NEGR1: variants seen among roughly 807,000 people sequenced by gnomAD.
The protein encoded by NEGR1 is neuronal growth regulator 1.
Under a neutral mutation model 40.9 loss-of-function variants are expected in NEGR1, and 10 were observed. That is an observed-to-expected ratio of 0.24 (90% CI 0.15 to 0.42). The LOEUF is 0.42. NEGR1 is among the 10% of genes least tolerant of loss of function. The probability of loss-of-function intolerance (pLI) is 1.00; values close to 1 mark genes in which losing one functional copy is unlikely to be tolerated. For missense variants in NEGR1, 352 were observed against 438.9 expected (o/e 0.80, Z 1.77); for synonymous variants, 185 against 166.8 (o/e 1.11, Z -0.84).
chr1:71,851,677 T>C (rs1353981238), intron 2 of NEGR1, among the ~76,000 whole-genome samples: 1 of 152,088 alleles, frequency 6.6e-6, no homozygotes, highest in African/African-American at 2.4e-5. Context: ...TTACTTCTCA[T>C]GAAGAGGGGC....
chr1:71,695,854 A>G (rs1208279545), intron 4 of NEGR1, among the ~76,000 whole-genome samples: 1 of 151,786 alleles, frequency 6.6e-6, no homozygotes. Context: ...TTCCCTCTCT[A>G]TGGCAAAGGG....
intron 3 of NEGR1, among the ~76,000 whole-genome samples, chr1:71,714,300 A>T (rs1654203069): frequency 6.6e-6 from 1 of 152,132 alleles, no homozygotes; most frequent in African/African-American, 2.4e-5. Flanking sequence ...ACACCTGGGG[A>T]TTATTACAAT....
At chr1:72,264,437 T>C (rs867159321) in intron 1 of NEGR1, among the ~76,000 whole-genome samples, 2 of 151,076 alleles carry the variant, frequency 1.3e-5, no homozygotes, top group South Asian at 4.1e-4. Context: ...TAATAAATAT[T>C]TACAATTATA....
intron 2 of NEGR1, among the ~76,000 whole-genome samples, chr1:71,820,042 C>A (rs1249996719): frequency 6.6e-6 from 1 of 151,974 alleles, no homozygotes; most frequent in Non-Finnish European, 1.5e-5. Flanking sequence ...ATATTAGGAA[C>A]AAAGGGGCAA....
At chr1:71,705,143 G>T (rs896538862) in intron 3 of NEGR1, among the ~76,000 whole-genome samples, 1 of 152,006 alleles carries the variant, frequency 6.6e-6, no homozygotes, top group East Asian at 1.9e-4. Flanking sequence ...AATAACATCT[G>T]ACCTCATGCT....
At chr1:72,199,146 C>CAGAGAGAGAG (rs1339899074) in intron 1 of NEGR1, among the ~76,000 whole-genome samples, 1,760 of 138,992 alleles carry the variant, frequency 0.013, 40 homozygotes, top group African/African-American at 0.046. Flanking sequence ...TCTAGATAGA[C>CAGAGAGAGAG]AGACAGAGAG....
chr1:71,635,414 T>G (rs1253340955), intron 4 of NEGR1, among the ~76,000 whole-genome samples: 1 of 152,054 alleles, frequency 6.6e-6, no homozygotes, highest in Non-Finnish European at 1.5e-5. Flanking sequence ...CAGGACATAT[T>G]GCAGCAATTG....
intron 1 of NEGR1, among the ~76,000 whole-genome samples, chr1:72,178,179 C>A (rs1341114802): frequency 6.6e-6 from 1 of 151,846 alleles, no homozygotes; most frequent in Non-Finnish European, 1.5e-5. Context: ...CTCAAAGGAA[C>A]AATCTGTCAT....
At chr1:71,683,427 T>G (rs1652906822) in intron 4 of NEGR1, among the ~76,000 whole-genome samples, 1 of 141,562 alleles carries the variant, frequency 7.1e-6, no homozygotes, top group South Asian at 2.1e-4. Flanking sequence ...TTCAATTAAT[T>G]TTACAGCTCA....
chr1:71,590,251 A>C (rs1649454989), intron 6 of NEGR1, among the ~76,000 whole-genome samples: 1 of 152,140 alleles, frequency 6.6e-6, no homozygotes, highest in South Asian at 2.1e-4. Context: ...CTGCCCCAGA[A>C]AGTGAGATAG....
chr1:71,527,119 T>G (rs2101438473), intron 6 of NEGR1, among the ~76,000 whole-genome samples: 1 of 151,692 alleles, frequency 6.6e-6, no homozygotes, highest in South Asian at 2.1e-4. Flanking sequence ...TAGCACATAT[T>G]GTATTACATA....
At chr1:71,584,487 T>C (rs1649236946) in intron 6 of NEGR1, among the ~76,000 whole-genome samples, 1 of 152,214 alleles carries the variant, frequency 6.6e-6, no homozygotes, top group African/African-American at 2.4e-5. Flanking sequence ...CAGACCTTCA[T>C]AATAATCATT....
intron 2 of NEGR1, among the ~76,000 whole-genome samples, chr1:71,790,774 T>C (rs1657087357): frequency 6.6e-6 from 1 of 152,096 alleles, no homozygotes; most frequent in Admixed American, 6.6e-5. Flanking sequence ...TTGAGTCAAA[T>C]AATACTGTTA....
chr1:71,761,789 G>T (rs139917768), intron 3 of NEGR1, among the ~76,000 whole-genome samples: 214 of 151,986 alleles, frequency 1.4e-3, no homozygotes, highest in Middle Eastern at 6.8e-3. Context: ...CAGTTGAACT[G>T]CCATAAAAGA....
At chr1:72,232,803 TTTA>T (rs1654414278) in intron 1 of NEGR1, among the ~76,000 whole-genome samples, 1 of 152,176 alleles carries the variant, frequency 6.6e-6, no homozygotes, top group Admixed American at 6.6e-5. Flanking sequence ...TTCCAAGAAT[TTTA>T]TTGTTACCAC....
intron 3 of NEGR1, among the ~76,000 whole-genome samples, chr1:71,728,951 G>C (rs1328805504): frequency 2.6e-5 from 4 of 152,112 alleles, no homozygotes; most frequent in Non-Finnish European, 5.9e-5. Flanking sequence ...ATGTGACAGT[G>C]CATACCTACC....
intron 6 of NEGR1, among the ~76,000 whole-genome samples, chr1:71,465,957 T>G (rs1226933576): frequency 6.6e-6 from 1 of 152,048 alleles, no homozygotes; most frequent in Admixed American, 6.6e-5. Flanking sequence ...TTTTACCAAA[T>G]TAATGTTAGA....
intron 2 of NEGR1, among the ~76,000 whole-genome samples, chr1:71,846,073 AT>A (rs1047694031): frequency 1.3e-4 from 20 of 151,898 alleles, no homozygotes; most frequent in Non-Finnish European, 2.2e-4. Flanking sequence ...CAAGAGCCAG[AT>A]TTAAATCATG....
intron 3 of NEGR1, among the ~76,000 whole-genome samples, chr1:71,757,707 T>A (rs888366717): frequency 3.3e-5 from 5 of 152,104 alleles, no homozygotes; most frequent in Admixed American, 1.3e-4. Flanking sequence ...AAAAATTTTG[T>A]GTCTGGAAAT....
Sources: gnomAD v4.1 joint callset for allele counts (sites outside exome capture counted in the v4.1 genomes callset) on GRCh38, gnomAD v4.1.1 for gene constraint, MANE v1.5 for transcripts, NCBI Gene and HGNC (gene_info 2026-07-23, HGNC 2026-07-21) for gene names.